ARFGEF1: variants seen among roughly 807,000 people sequenced by gnomAD.
ARFGEF1 encodes brefeldin A-inhibited guanine nucleotide-exchange protein 1.
In ARFGEF1, 42 loss-of-function variants were observed where a neutral mutation model predicts 231.0. That is an observed-to-expected ratio of 0.18 (90% confidence interval 0.14 to 0.24). The LOEUF (loss-of-function observed/expected upper bound fraction) is 0.24, where lower values mean the gene tolerates loss of function less well. Ranked by LOEUF, ARFGEF1 falls within the 10% of genes least tolerant of loss-of-function variation. ARFGEF1 has a pLI of 1.00. For missense variants in ARFGEF1, 1,345 were observed against 2,192.0 expected, an observed-to-expected ratio of 0.61 and a Z score of 7.72; for synonymous variants, 710 against 732.3, an observed-to-expected ratio of 0.97 and a Z score of 0.49.
At chr8:67,291,786 A>G in intron 6 of ARFGEF1, 61 bp downstream of exon 6, 10 of 1,543,002 alleles carry the variant, frequency 6.5e-6, no homozygotes, top group Non-Finnish European at 8.8e-6. Flanking sequence ...CTTCATCAAA[A>G]CTCTCATTCC....
chr8:67,180,854 TTC>T (rs938972970), intron 5 of ARFGEF1, among the ~76,000 whole-genome samples: 2 of 152,132 alleles, frequency 1.3e-5, no homozygotes, highest in Non-Finnish European at 2.9e-5. Context: ...CCATGGGATC[TTC>T]TTTTTTTTTT....
At chr8:67,301,130 G>C in intron 3 of ARFGEF1, 94 bp downstream of exon 3, 1 of 1,220,620 alleles carries the variant, frequency 8.2e-7, no homozygotes, top group Non-Finnish European at 1.1e-6. Flanking sequence ...AGTATTCAAA[G>C]CTTTCATGGA....
intron 17 of ARFGEF1, among the ~76,000 whole-genome samples, chr8:67,255,203 C>A (rs1840417090): frequency 6.6e-6 from 1 of 152,170 alleles, no homozygotes; most frequent in Non-Finnish European, 1.5e-5. Context: ...AAGTGCACTG[C>A]TTCACACAGA....
chr8:67,208,385 C>T (rs1442843712), intron 34 of ARFGEF1, among the ~76,000 whole-genome samples: 1 of 152,130 alleles, frequency 6.6e-6, no homozygotes, highest in Non-Finnish European at 1.5e-5. Context: ...AATCCCAGCA[C>T]TTTGGGAGGC....
chr8:67,250,664 A>G (rs551064666), intron 19 of ARFGEF1, among the ~76,000 whole-genome samples: 221 of 152,326 alleles, frequency 1.5e-3, no homozygotes, highest in African/African-American at 5.0e-3. Context: ...TGTCTCATGA[A>G]CAGGAATATA....
At chr8:67,317,936 C>A (rs1214875150) in intron 1 of ARFGEF1, among the ~76,000 whole-genome samples, 1 of 147,998 alleles carries the variant, frequency 6.8e-6, no homozygotes, top group African/African-American at 2.5e-5. Flanking sequence ...CTGTAATCTA[C>A]CATAGAAATA....
intron 5 of ARFGEF1, among the ~76,000 whole-genome samples, chr8:67,295,563 G>A (rs1750531430): frequency 6.6e-6 from 1 of 152,114 alleles, no homozygotes; most frequent in African/African-American, 2.4e-5. Flanking sequence ...TAAATTATTA[G>A]TATCCTTTTA....
chr8:67,264,375 T>C (rs1804762195), intron 14 of ARFGEF1, among the ~76,000 whole-genome samples: 1 of 152,032 alleles, frequency 6.6e-6, no homozygotes, highest in Admixed American at 6.6e-5. Context: ...ATCTAATCCT[T>C]TGAGGGGAAA....
Position 67,211,504 on chromosome 8 carries a change from T to C in ARFGEF1, c.4798A>G (p.Ser1600Gly). ...VSASAVNEEV[S>G]KIKSTAKFPE... is the part of the protein sequence containing the mutation. ...TCACTTGCTGTAGATTTAATTTTGC[T>C]GACTTCTTCATTAACAGCAGACGCA... The change falls in exon 34 of 39, where the codon AGC (serine) becomes GGC (glycine). Residue 1600 changes from serine (S) to glycine (G), a missense_variant. Ser to Gly is a moderately conservative substitution (Grantham distance 56, BLOSUM62 0). Around this residue, in one of 14 missense-constraint regions of ARFGEF1, gnomAD observed 89 missense variants for 74.8 expected, o/e 1.19. Transcript: ENST00000262215. 6.3e-7 allele frequency: 1 copy of C among 1,583,242 alleles called. No individual in the cohort carries two copies. The highest frequency in any genetic ancestry group is 8.6e-7 in the Non-Finnish European group (1 of 1,168,488).
chr8:67,262,926 G>A (rs1804695522), intron 14 of ARFGEF1, among the ~76,000 whole-genome samples: 1 of 152,156 alleles, frequency 6.6e-6, no homozygotes, highest in African/African-American at 2.4e-5. Context: ...TCACTATATT[G>A]CAATATTTAC....
intron 14 of ARFGEF1, among the ~76,000 whole-genome samples, chr8:67,260,884 A>G (rs1283140532): frequency 6.6e-6 from 1 of 152,244 alleles, no homozygotes. Context: ...GTAGGAAAGC[A>G]AAACAGCCTA....
At chr8:67,228,340 G>A (rs1469604357) in intron 23 of ARFGEF1, 76 bp from the exon 24 acceptor site, 2 of 1,360,766 alleles carry the variant, frequency 1.5e-6, no homozygotes, top group Non-Finnish European at 2.0e-6. Context: ...TGTGGCATGG[G>A]GTACTAGCTA....
At chr8:67,184,966 A>T (rs1287311828) in intron 5 of ARFGEF1, among the ~76,000 whole-genome samples, 2 of 144,096 alleles carry the variant, frequency 1.4e-5, no homozygotes, top group Non-Finnish European at 3.0e-5. Context: ...AAAAAAAAAA[A>T]GGTGGTGGGC....
intron 35 of ARFGEF1, 76 bp downstream of exon 35, chr8:67,204,604 C>T: frequency 6.8e-7 from 1 of 1,480,412 alleles, no homozygotes; most frequent in Non-Finnish European, 9.1e-7. Context: ...ATTCTCTAGC[C>T]TAACTCTACA....
intron 1 of ARFGEF1, among the ~76,000 whole-genome samples, chr8:67,338,993 G>GT (rs1364242030): frequency 3.9e-5 from 6 of 152,112 alleles, no homozygotes; most frequent in African/African-American, 7.2e-5. Context: ...CTCCACTGAC[G>GT]TATCTTTTTT....
At chr8:67,227,701 G>T in intron 25 of ARFGEF1, 103 bp from the exon 26 acceptor site, 1 of 1,266,794 alleles carries the variant, frequency 7.9e-7, no homozygotes, top group Non-Finnish European at 1.1e-6. Flanking sequence ...GCATAGATAG[G>T]TAAATCCTAA....
chr8:67,243,446 C>T (rs914678701), intron 19 of ARFGEF1, among the ~76,000 whole-genome samples: 2 of 152,144 alleles, frequency 1.3e-5, no homozygotes, highest in Admixed American at 6.5e-5. Flanking sequence ...ATAAAACCAT[C>T]GGCTCTCATG....
At chr8:67,277,720 AC>A (rs1805370917) in intron 7 of ARFGEF1, among the ~76,000 whole-genome samples, 1 of 152,200 alleles carries the variant, frequency 6.6e-6, no homozygotes. Context: ...ACAGAAGCTT[AC>A]TTTTAGTCTA....
At chr8:67,335,268 G>T (rs979852869) in intron 1 of ARFGEF1, among the ~76,000 whole-genome samples, 27 of 151,978 alleles carry the variant, frequency 1.8e-4, no homozygotes, top group African/African-American at 6.5e-4. Flanking sequence ...ACTACGACTG[G>T]CTAATTTTTT....
Sources: allele counts gnomAD v4.1 joint callset (sites outside exome capture counted in the v4.1 genomes callset), GRCh38; gene constraint gnomAD v4.1.1; regional missense constraint gnomAD v4.1.1; transcripts MANE v1.5; gene names NCBI Gene and HGNC (gene_info 2026-07-23, HGNC 2026-07-21).